FAP: variants seen among roughly 807,000 people sequenced by gnomAD.
The protein encoded by FAP is prolyl endopeptidase FAP.
Under a neutral mutation model 126.5 loss-of-function variants are expected in FAP, and 110 were observed. The observed-to-expected ratio is 0.87, with a 90% CI of 0.74 to 1.02. The LOEUF (loss-of-function observed/expected upper bound fraction) is 1.02. FAP is among the 50% of genes least tolerant of loss of function. The pLI, the probability that FAP is intolerant of heterozygous loss-of-function variation, is 0.00. For missense variants in FAP, 919 were observed against 909.2 expected (o/e 1.01, Z -0.14); for synonymous variants, 334 against 297.3 (o/e 1.12, Z -1.27).
intron 17 of FAP, among the ~76,000 whole-genome samples, chr2:162,192,345 T>G (rs141918993): frequency 1.5e-4 from 23 of 152,154 alleles, no homozygotes; most frequent in African/African-American, 5.1e-4. Flanking sequence ...CTGCAGCATC[T>G]GGTACAGCTG....
At chr2:162,174,211 T>C (rs1331294974) in intron 22 of FAP, among the ~76,000 whole-genome samples, 1 of 152,098 alleles carries the variant, frequency 6.6e-6, no homozygotes, top group Non-Finnish European at 1.5e-5. Context: ...TCAAATCTAT[T>C]CCCCCTACAC....
At chr2:162,198,548 T>G (rs921434109) in intron 16 of FAP, 10 of 748,958 alleles carry the variant, frequency 1.3e-5, no homozygotes, top group Middle Eastern at 3.9e-4. Context: ...GTTACCCTGT[T>G]TCCCCAAACT....
chr2:162,197,438 A>G (rs906774925), intron 16 of FAP: 2 of 402,812 alleles, frequency 5.0e-6, no homozygotes, highest in African/African-American at 4.1e-5. Context: ...ATATAACTTG[A>G]GAGGGACATT....
intron 15 of FAP, 28 bp from the exon 16 acceptor site, chr2:162,198,909 C>T (rs376094299): frequency 6.2e-7 from 1 of 1,607,864 alleles, no homozygotes; most frequent in South Asian, 1.1e-5. Flanking sequence ...TAAAACTAAG[C>T]TGAAATTTTG....
At chr2:162,204,594 G>A (rs1688625162) in intron 12 of FAP, among the ~76,000 whole-genome samples, 1 of 152,182 alleles carries the variant, frequency 6.6e-6, no homozygotes, top group Non-Finnish European at 1.5e-5. Context: ...ACAATGCTCA[G>A]GGATTTCTAG....
intron 21 of FAP, among the ~76,000 whole-genome samples, chr2:162,181,167 C>T (rs2106219397): frequency 6.6e-6 from 1 of 151,966 alleles, no homozygotes; most frequent in African/African-American, 2.4e-5. Context: ...ATCCCAGCTA[C>T]TCAGGAGGCT....
At chr2:162,232,585 A>T (rs978084888) in intron 2 of FAP, among the ~76,000 whole-genome samples, 1 of 152,172 alleles carries the variant, frequency 6.6e-6, no homozygotes, top group African/African-American at 2.4e-5. Flanking sequence ...GCTATTATAA[A>T]ACTACTTACT....
At chr2:162,181,011 A>G (rs907502420) in intron 21 of FAP, among the ~76,000 whole-genome samples, 8 of 152,202 alleles carry the variant, frequency 5.3e-5, no homozygotes, top group Non-Finnish European at 1.0e-4. Context: ...GCGGTAGCTC[A>G]TGCCTGTAAT....
intron 16 of FAP, among the ~76,000 whole-genome samples, chr2:162,197,253 C>T (rs1480853638): frequency 1.3e-5 from 2 of 152,172 alleles, no homozygotes; most frequent in African/African-American, 4.8e-5. Flanking sequence ...ATGTATTAGA[C>T]ATTCTTCTTG....
intron 14 of FAP, 73 bp from the exon 15 acceptor site, chr2:162,200,692 ATAGT>A: frequency 1.5e-6 from 1 of 668,166 alleles, no homozygotes; most frequent in Non-Finnish European, 2.6e-6. Context: ...TAATACTAAT[ATAGT>A]ATCAATATAG....
At chr2:162,190,616 A>G (rs1190147927) in intron 17 of FAP, among the ~76,000 whole-genome samples, 1 of 152,050 alleles carries the variant, frequency 6.6e-6, no homozygotes, top group Admixed American at 6.6e-5. Context: ...TGAACCTGGG[A>G]TTGATATCAG....
Position 162,225,497 on chromosome 2 carries a change from T to A in FAP, c.271A>T (p.Ser91Cys), listed in dbSNP as rs1689599503. ...TGGATACATACCATGGTTCTATTAC[T>A]CAAAATGGTATATGATTGTCCTGTT... ...IETGQSYTILSNRTMKSVNAS... is the reference protein window; with the variant it reads ...IETGQSYTILCNRTMKSVNAS... The change falls in exon 4 of 26, where the codon AGT (serine) becomes TGT (cysteine). Residue 91 changes from serine (S) to cysteine (C), a missense_variant. Physicochemically the swap from Ser to Cys is moderately radical, Grantham distance 112 (BLOSUM62 -1). Transcript: ENST00000188790. The A allele has an allele frequency of 2.5e-6, 4 of 1,599,638 alleles. No individual in the cohort carries two copies. Among genetic ancestry groups the A allele is most frequent in the Middle Eastern group, 3.4e-4 (2 of 5,970 alleles).
intron 25 of FAP, 176 bp downstream of exon 25, chr2:162,172,635 G>A (rs1323098589): frequency 1.8e-5 from 10 of 555,782 alleles, no homozygotes; most frequent in Admixed American, 1.8e-4. Flanking sequence ...GGTTTGCCTC[G>A]GGTCCTTCAG....
In FAP at chr2:162,243,287, AT is replaced by A. The variant is rs775527420; in HGVS notation, c.6+34del. 28 of 1,523,856 alleles carry A rather than the reference AT, an allele frequency of 1.8e-5. No homozygotes were observed. The South Asian group carries it at 3.2e-4, about 17-fold the overall frequency. 94.4% of individuals were successfully genotyped at this position (1,523,856 alleles called of 1,614,324 possible). On this transcript the variant is annotated intron_variant, in intron 1 of 25. Coordinates refer to ENST00000188790, the MANE Select transcript of FAP (RefSeq NM_004460.5). ...ATCACGTTCAATCCAGCCAACCCTAATTTTTTAAGAATACTTGAGGTTGCTT... is the reference window on the plus strand; with the variant it reads ...ATCACGTTCAATCCAGCCAACCCTAATTTTTAAGAATACTTGAGGTTGCTT...
rs978536531 is a variant in FAP at position 162,232,373 on chromosome 2, T to A, written c.92-5752A>T. Among the ~76,000 whole-genome samples, 40 of 152,202 alleles carry A rather than the reference T, an allele frequency of 2.6e-4. 1 individual carries two copies. Among genetic ancestry groups the A allele is most frequent in the African/African-American group, 9.4e-4 (39 of 41,444 alleles). On this transcript the variant is annotated intron_variant, in intron 2 of 25. Coordinates refer to ENST00000188790, the MANE Select transcript of FAP (RefSeq NM_004460.5). ...TACATAGAAAAGCTGGGGTTTAAAT[T>A]CAGCTGCATCTGGTTTTAGATACTT...
At chr2:162,196,108 C>CCA (rs1344079756) in intron 16 of FAP, among the ~76,000 whole-genome samples, 5 of 152,196 alleles carry the variant, frequency 3.3e-5, no homozygotes, top group African/African-American at 1.2e-4. Context: ...GGTGGCTGCC[C>CCA]TGTCATACCT....
intron 19 of FAP, 132 bp downstream of exon 19, chr2:162,188,971 T>C (rs984276542): frequency 4.1e-6 from 2 of 486,414 alleles, no homozygotes; most frequent in Admixed American, 7.5e-5. Context: ...CTCTGATTAG[T>C]TGAAGAATAT....
chr2:162,190,019 CA>C (rs757375132), intron 17 of FAP, among the ~76,000 whole-genome samples: 118 of 152,052 alleles, frequency 7.8e-4, no homozygotes, highest in Non-Finnish European at 1.6e-3. Context: ...ACAGGAGCAA[CA>C]ATGTTTATTC....
intron 25 of FAP, 28 bp downstream of exon 25, chr2:162,172,783 T>G (rs756625970): frequency 4.9e-5 from 75 of 1,526,994 alleles, no homozygotes; most frequent in Non-Finnish European, 6.7e-5. Context: ...TCTAAGGCCA[T>G]GAACATGAGT....
Sources: gnomAD v4.1 joint callset for allele counts (sites outside exome capture counted in the v4.1 genomes callset) on GRCh38, gnomAD v4.1.1 for gene constraint, MANE v1.5 for transcripts, NCBI Gene and HGNC (gene_info 2026-07-23, HGNC 2026-07-21) for gene names.